Variants in PKD1L1 observed in about 807,000 individuals in gnomAD.
The protein encoded by PKD1L1 is polycystin 1 like 1, transient receptor potential channel interacting.
In PKD1L1, 236 loss-of-function variants were observed where a neutral mutation model predicts 323.4. That is an observed-to-expected ratio of 0.73 (90% CI 0.66 to 0.81). The LOEUF (loss-of-function observed/expected upper bound fraction) is 0.81. Ranked by LOEUF, PKD1L1 falls within the 40% of genes least tolerant of loss-of-function variation. The probability of loss-of-function intolerance (pLI) is 0.00; values close to 1 mark genes in which losing one functional copy is unlikely to be tolerated. For missense variants in PKD1L1, 3,320 were observed against 3,508.0 expected (o/e 0.95, Z 1.35); for synonymous variants, 1,344 against 1,335.0 (o/e 1.01, Z -0.15).
chr7:47,833,296 G>T, intron 40 of PKD1L1, 44 bp from the exon 41 acceptor site: 1 of 1,590,342 alleles, frequency 6.3e-7, no homozygotes, highest in East Asian at 2.3e-5. Context: ...TCCACAGACA[G>T]GGCTTCACAC....
In PKD1L1 at chr7:47,890,703, A is replaced by C. The variant is rs149933672; in HGVS notation, c.2514T>G (p.Thr838=). 117 of 1,613,624 alleles carry C rather than the reference A, an allele frequency of 7.3e-5. No individual in the cohort carries two copies. The African/African-American group carries it at 1.3e-3, about 17-fold the overall frequency. The change falls in exon 16 of 57, where the codon ACT becomes ACG. Residue 838 remains threonine (T), a synonymous_variant. Coordinates refer to ENST00000289672, the MANE Select transcript of PKD1L1 (RefSeq NM_138295.5). ...SPAHPCFDSS[T]AHQLDAAAPT... is the part of the protein sequence containing the mutation. ...GAGCCGCGGCATCCAGTTGGTGTGC[A>C]GTGGAGGAGTCGAAGCAGGGATGTG...
At chr7:47,912,480 A>C (rs1314868744) in intron 8 of PKD1L1, among the ~76,000 whole-genome samples, 1 of 152,172 alleles carries the variant, frequency 6.6e-6, no homozygotes, top group African/African-American at 2.4e-5. Flanking sequence ...AGTGGCCAGC[A>C]CTTAGACACG....
chr7:47,855,346 T>C, intron 28 of PKD1L1, 81 bp from the exon 29 acceptor site: 2 of 965,448 alleles, frequency 2.1e-6, no homozygotes, highest in Non-Finnish European at 3.2e-6. Context: ...CAAAGTATCG[T>C]GGTGCTGCTA....
chr7:47,864,744 A>G lies in PKD1L1; in HGVS notation c.4149+472T>C, dbSNP rs540806525. 1.2e-3 allele frequency among the ~76,000 whole-genome samples: 135 copies of G among 115,046 alleles called. 1 individual carries two copies. Among genetic ancestry groups the G allele is most frequent in the African/African-American group, 4.0e-3 (118 of 29,810 alleles). The allele number at this position is 115,046 out of a possible 152,430, so 75.5% of individuals were successfully genotyped here. A position where few individuals can be genotyped will look rare whatever the true frequency, so the allele number is the denominator to read the frequency against. On this transcript the variant is annotated intron_variant, in intron 26 of 56. Transcript: ENST00000289672. ...TCCTTTCCTTTCGTTTTTTTGATGG[A>G]GTCTCACTCTGTTGCCCAGGCTGGA...
chr7:47,896,355 G>A (rs1010630233), intron 14 of PKD1L1, among the ~76,000 whole-genome samples: 1 of 132,466 alleles, frequency 7.5e-6, no homozygotes, highest in Non-Finnish European at 1.5e-5. Flanking sequence ...AAAAAAAAAA[G>A]GAGTCCGTTC....
Position 47,946,031 on chromosome 7 carries a change from G to A in PKD1L1, c.44+2366C>T, listed in dbSNP as rs1234767770. On this transcript the variant is annotated intron_variant, in intron 1 of 56. Transcript: ENST00000289672. The surrounding 1 kb of genome is among the most constrained non-coding windows in gnomAD (Gnocchi z 4.1). ...GTCTTTTCAAATAAAAAAAATGGAA[G>A]GGGGAGATAATTTAAATACAAGGGA... is the stretch of plus-strand genomic sequence containing the variant. Among the ~76,000 whole-genome samples the A allele has an allele frequency of 2.0e-5, 3 of 152,144 alleles. No individual in the cohort carries two copies. The highest frequency in any genetic ancestry group is 2.0e-4 in the Admixed American group (3 of 15,278).
chr7:47,931,151 C>T lies in PKD1L1; in HGVS notation c.690G>A (p.Gln230=), dbSNP rs771673681. ...GTGAAATCGGCCACAGGGGCACTCG[C>T]TGGGAGCTGGTCTGAGTGGGTCTGG... is the stretch of plus-strand genomic sequence containing the variant. ...KVARPTQTSS[Q]RVPLWPISHF... Residue 230 remains glutamine (Q), a synonymous_variant, in exon 6 of 57, where the codon CAG becomes CAA. Coordinates refer to ENST00000289672, the MANE Select transcript of PKD1L1 (RefSeq NM_138295.5). 3.1e-6 allele frequency: 5 copies of T among 1,614,114 alleles called. No homozygotes were observed. The South Asian group carries it at 5.5e-5, about 18-fold the overall frequency.
intron 46 of PKD1L1, 136 bp downstream of exon 46, chr7:47,820,940 G>T (rs187330370): frequency 1.7e-6 from 1 of 590,538 alleles, no homozygotes; most frequent in East Asian, 2.8e-5. Context: ...ATGGAAGGGG[G>T]TTTTATTACT....
chr7:47,804,596 A>T (rs766315031), intron 52 of PKD1L1, among the ~76,000 whole-genome samples: 6 of 150,848 alleles, frequency 4.0e-5, no homozygotes, highest in Non-Finnish European at 8.8e-5. Context: ...CAGCCTACCG[A>T]GTAGCTGGGG....
intron 12 of PKD1L1, among the ~76,000 whole-genome samples, chr7:47,903,197 T>C (rs1440885957): frequency 6.6e-6 from 1 of 152,160 alleles, no homozygotes; most frequent in Non-Finnish European, 1.5e-5. Flanking sequence ...GAGAAAAATA[T>C]TCCCATCAGA....
In PKD1L1 at chr7:47,929,440, T is replaced by C; in HGVS notation, c.824A>G (p.Gln275Arg). 1 of 1,613,958 alleles carries C rather than the reference T, an allele frequency of 6.2e-7. No individual in the cohort carries two copies. ...AGCTAGGATGGCCACAGGAGGATGCTGAGTAGGGGGATAGAGGATCTCAGA... is the reference window on the plus strand; with the variant it reads ...AGCTAGGATGGCCACAGGAGGATGCCGAGTAGGGGGATAGAGGATCTCAGA... ...SGSEILYPPT[Q>R]HPPVAILARN... Residue 275 changes from glutamine (Q) to arginine (R), a missense_variant, in exon 7 of 57, where the codon CAG becomes CGG. Physicochemically the swap from Gln to Arg is conservative, Grantham distance 43. Coordinates refer to ENST00000289672, the MANE Select transcript of PKD1L1 (RefSeq NM_138295.5).
chr7:47,915,720 C>A, intron 7 of PKD1L1, 121 bp from the exon 8 acceptor site: 6 of 567,588 alleles, frequency 1.1e-5, no homozygotes, highest in African/African-American at 1.9e-5. Context: ...ATTTACCCAA[C>A]CAATTAAGGA....
upstream of PKD1L1, among the ~76,000 whole-genome samples, chr7:47,950,709 CAA>C (rs11445663): frequency 3.6e-5 from 5 of 140,220 alleles, no homozygotes; most frequent in Admixed American, 7.1e-5. Flanking sequence ...ACTCTTGTCT[CAA>C]AAAAAAAAAA....
At position 47,774,990 on chromosome 7, in the gene PKD1L1, C is replaced by T. The variant is rs1415590623; in HGVS notation, c.*153G>A. 1.3e-6 allele frequency: 1 copy of T among 748,736 alleles called. No individual in the cohort carries two copies. The highest frequency in any genetic ancestry group is 2.3e-6 in the Non-Finnish European group (1 of 437,686). 46.4% of individuals were successfully genotyped at this position (748,736 alleles called of 1,614,324 possible). ...TAAACCTTGATTTTCATCCTGGTTTCCCATTTACTTGTTACGTGAACTGGA... is the reference window on the plus strand; with the variant it reads ...TAAACCTTGATTTTCATCCTGGTTTTCCATTTACTTGTTACGTGAACTGGA... On this transcript the variant is annotated 3_prime_UTR_variant, in exon 57 of 57. Coordinates refer to ENST00000289672, the MANE Select transcript of PKD1L1 (RefSeq NM_138295.5).
At chr7:47,850,632 C>CAAAAAA (rs58437908) in intron 31 of PKD1L1, among the ~76,000 whole-genome samples, 2 of 75,806 alleles carry the variant, frequency 2.6e-5, no homozygotes, top group Non-Finnish European at 4.8e-5. Flanking sequence ...GACTCTGTCT[C>CAAAAAA]AAAAAAAAAA....
chr7:47,777,482 C>T (rs1416461375), intron 56 of PKD1L1, among the ~76,000 whole-genome samples: 1 of 152,220 alleles, frequency 6.6e-6, no homozygotes, highest in Non-Finnish European at 1.5e-5. Context: ...GGCATCTGCC[C>T]TACCTCTCAA....
At chr7:47,945,587 CAAT>C (rs1788077721) in intron 1 of PKD1L1, among the ~76,000 whole-genome samples, 1 of 152,068 alleles carries the variant, frequency 6.6e-6, no homozygotes, top group Non-Finnish European at 1.5e-5. Flanking sequence ...TAAAAAATAA[CAAT>C]AATAGAAAAG....
At chr7:47,939,550 T>TC (rs1451536963) in intron 3 of PKD1L1, among the ~76,000 whole-genome samples, 13 of 152,270 alleles carry the variant, frequency 8.5e-5, no homozygotes, top group Admixed American at 7.8e-4. Flanking sequence ...CTCACGCTTC[T>TC]CCTCCATCTC....
In PKD1L1 at chr7:47,836,941, C is replaced by A; in HGVS notation, c.5923G>T (p.Ala1975Ser). Reference protein sequence around the residue: ...CVYACLTALVAAGGQEQPHLD... With the variant: ...CVYACLTALVSAGGQEQPHLD... ...CTCACCTGCTCTTGCCCTCCAGCAGCAACCAGGGCAGTGAGACACGCGTAG... is the reference window on the plus strand; with the variant it reads ...CTCACCTGCTCTTGCCCTCCAGCAGAAACCAGGGCAGTGAGACACGCGTAG... Residue 1975 changes from alanine to serine, a missense_variant, in exon 37 of 57, where the codon GCT (alanine) becomes TCT (serine). Transcript: ENST00000289672. 1 of 1,614,016 alleles carries A rather than the reference C, an allele frequency of 6.2e-7. No individual in the cohort carries two copies.
Sources: allele counts gnomAD v4.1 joint callset (sites outside exome capture counted in the v4.1 genomes callset), GRCh38; gene constraint gnomAD v4.1.1; non-coding constraint Gnocchi (gnomAD v3.1); transcripts MANE v1.5; gene names NCBI Gene and HGNC (gene_info 2026-07-23, HGNC 2026-07-21).